DPP3: variants seen among roughly 807,000 people sequenced by gnomAD.
DPP3 encodes the protein dipeptidyl peptidase 3, also known as DPP III.
A neutral mutation model predicts 89.8 loss-of-function variants in DPP3; 64 were observed. The ratio of observed to expected loss-of-function variants is 0.71; its 90% CI spans 0.58 to 0.88. DPP3 has a LOEUF of 0.88. Among genes scored for constraint, DPP3 ranks in the 40% least tolerant of loss-of-function variants. The pLI, the probability that DPP3 is intolerant of heterozygous loss-of-function variation, is 0.00. For synonymous variants in DPP3, 377 were observed against 404.3 expected (o/e 0.93, Z 0.81); for missense variants, 835 against 972.5 (o/e 0.86, Z 1.88).
intron 16 of DPP3, among the ~76,000 whole-genome samples, chr11:66,503,793 A>G (rs1855735142): frequency 6.6e-6 from 1 of 152,182 alleles, no homozygotes; most frequent in Non-Finnish European, 1.5e-5. Context: ...AGGCTGAGGT[A>G]GGAGAATCAC....
intron 16 of DPP3, among the ~76,000 whole-genome samples, chr11:66,502,451 G>A (rs1254194752): frequency 6.6e-6 from 1 of 151,636 alleles, no homozygotes; most frequent in African/African-American, 2.4e-5. Context: ...GGGATTATAG[G>A]CGTGTGCCAC....
At chr11:66,506,956 G>A (rs1028278988) in intron 17 of DPP3, among the ~76,000 whole-genome samples, 1 of 151,896 alleles carries the variant, frequency 6.6e-6, no homozygotes, top group South Asian at 2.1e-4. Flanking sequence ...CACTTCTCAT[G>A]ATGGGAGGAG....
At chr11:66,488,510 C>T (rs1047397826) in intron 6 of DPP3, among the ~76,000 whole-genome samples, 5 of 149,472 alleles carry the variant, frequency 3.3e-5, no homozygotes, top group Admixed American at 6.7e-5. Context: ...TGCAGTGAGC[C>T]GAGATCTTAC....
intron 16 of DPP3, among the ~76,000 whole-genome samples, chr11:66,501,938 CTGTA>C (rs1855686960): frequency 6.6e-6 from 1 of 151,992 alleles, no homozygotes; most frequent in Non-Finnish European, 1.5e-5. Flanking sequence ...TGGCTCACGC[CTGTA>C]ATCCCAGCAC....
At chr11:66,498,099 AT>A (rs891588880) in intron 16 of DPP3, among the ~76,000 whole-genome samples, 109 of 119,192 alleles carry the variant, frequency 9.1e-4, no homozygotes, top group Admixed American at 7.1e-4. Flanking sequence ...CGCCCGGCTA[AT>A]TTTTTTTTTT....
rs748963611 is a variant in DPP3, at chr11:66,509,086, C to T, written c.2049C>T (p.Asp683=). The T allele has an allele frequency of 1.1e-5, 18 of 1,613,868 alleles. No homozygotes were observed. The highest frequency in any genetic ancestry group is 2.2e-5 in the South Asian group (2 of 91,088). The stretch of plus-strand genomic sequence containing the variant: ...TCTCCATCTCCTCCCCAGGCTCAGA[C>T]GTGCAGCTTCTGGAATACGAGGCGT... The part of the protein sequence containing the change: ...VQPNTRLEGS[D]VQLLEYEASA... Residue 683 remains aspartate, a synonymous_variant, in exon 18 of 18, where the codon GAC becomes GAT. Transcript: ENST00000531863.
chr11:66,500,875 G>C (rs961653305), intron 16 of DPP3, among the ~76,000 whole-genome samples: 1 of 152,100 alleles, frequency 6.6e-6, no homozygotes, highest in Non-Finnish European at 1.5e-5. Context: ...AGTTAACATG[G>C]TGAAACCCCA....
intron 3 of DPP3, 36 bp from the exon 4 acceptor site, chr11:66,486,504 G>T: frequency 6.8e-7 from 1 of 1,468,454 alleles, no homozygotes; most frequent in Non-Finnish European, 9.1e-7. Flanking sequence ...AGGTTTGGGT[G>T]GTGTGACTGG....
At chr11:66,480,646 A>C (rs2134711409) in intron 1 of DPP3, 181 bp downstream of exon 1, 6 of 605,032 alleles carry the variant, frequency 9.9e-6, no homozygotes, top group African/African-American at 1.9e-5. Flanking sequence ...CCCTTTCCGA[A>C]CCTCGAGGCT....
intron 14 of DPP3, 46 bp from the exon 15 acceptor site, chr11:66,495,584 C>T (rs1172912498): frequency 1.2e-6 from 2 of 1,613,748 alleles, no homozygotes; most frequent in Admixed American, 1.7e-5. Context: ...GGGATGGGGA[C>T]AGGGCAGCCT....
intron 7 of DPP3, 22 bp from the exon 8 acceptor site, chr11:66,491,472 G>A (rs1259396849): frequency 6.3e-7 from 1 of 1,597,046 alleles, no homozygotes; most frequent in Non-Finnish European, 8.6e-7. Context: ...GCCCGAGGCT[G>A]ACCGACCCCC....
intron 1 of DPP3, chr11:66,480,747 G>T (rs1855053018): frequency 2.8e-6 from 1 of 356,500 alleles, no homozygotes; most frequent in Non-Finnish European, 5.0e-6. Context: ...CGGGGAGAAT[G>T]CCCCGGGTTG....
Position 66,482,375 on chromosome 11 carries a change from A to C in DPP3, c.175A>C (p.Ile59Leu), listed in dbSNP as rs753846896. 1 of 1,612,268 alleles carries C rather than the reference A, an allele frequency of 6.2e-7. No individual in the cohort carries two copies. ...TCAGACCTCCCCTGAGGCCCCCTACATCTATGCTCTGCTCAGCCGCCTCTT... is the reference window on the plus strand; with the variant it reads ...TCAGACCTCCCCTGAGGCCCCCTACCTCTATGCTCTGCTCAGCCGCCTCTT... ...LLQTSPEAPY[I>L]YALLSRLFRA... Residue 59 changes from isoleucine (I) to leucine (L), a missense_variant, in exon 2 of 18, where the codon ATC becomes CTC. By Grantham distance (5) the Ile-to-Leu change is conservative. Transcript: ENST00000531863.
chr11:66,509,492 T>G lies in DPP3; in HGVS notation c.*241T>G. The stretch of plus-strand genomic sequence containing the variant: ...ATACGTGGAGTGAGCAAGACAGGGC[T>G]TACCATCCTGTCTACCAGATGAGGA... On this transcript the variant is annotated 3_prime_UTR_variant, in exon 18 of 18. Transcript: ENST00000531863. 1.5e-6 allele frequency: 2 copies of G among 1,315,444 alleles called. No homozygotes were observed. The highest frequency in any genetic ancestry group is 2.1e-6 in the Non-Finnish European group (2 of 946,278). The allele number at this position is 1,315,444 out of a possible 1,614,324, so 81.5% of individuals were successfully genotyped here.
chr11:66,505,735 C>G (rs1855782810), intron 17 of DPP3, among the ~76,000 whole-genome samples: 1 of 149,214 alleles, frequency 6.7e-6, no homozygotes, highest in African/African-American at 2.5e-5. Context: ...ATAGTCCCAG[C>G]TACTTGAAAG....
intron 17 of DPP3, among the ~76,000 whole-genome samples, chr11:66,507,269 C>T (rs1040825741): frequency 5.9e-5 from 9 of 151,936 alleles, no homozygotes; most frequent in Non-Finnish European, 1.2e-4. Context: ...AGATCGAGAC[C>T]GTCCTGGCTA....
intron 15 of DPP3, among the ~76,000 whole-genome samples, chr11:66,496,745 G>A (rs2134740038): frequency 6.6e-6 from 1 of 152,272 alleles, no homozygotes; most frequent in South Asian, 2.1e-4. Flanking sequence ...AAATCAAATA[G>A]GTGTGGTTTG....
At chr11:66,497,141 G>A (rs1486968110) in intron 15 of DPP3, among the ~76,000 whole-genome samples, 157 bp from the exon 16 acceptor site, 2 of 152,218 alleles carry the variant, frequency 1.3e-5, no homozygotes, top group African/African-American at 4.8e-5. Flanking sequence ...AGCAGAAAAG[G>A]ACCCGCAGGG....
At chr11:66,507,687 GTTTTT>G (rs371473944) in intron 17 of DPP3, among the ~76,000 whole-genome samples, 1 of 125,650 alleles carries the variant, frequency 8.0e-6, no homozygotes, top group Non-Finnish European at 1.7e-5. Context: ...ACTGTAAAAA[GTTTTT>G]TTTTTTTTTT....
Sources: gnomAD v4.1 joint callset for allele counts (sites outside exome capture counted in the v4.1 genomes callset) on GRCh38, gnomAD v4.1.1 for gene constraint, MANE v1.5 for transcripts, NCBI Gene and HGNC (gene_info 2026-07-23, HGNC 2026-07-21) for gene names.